CIC: variants seen among roughly 807,000 people sequenced by gnomAD.
CIC encodes the protein capicua transcriptional repressor.
CIC carries 18 observed loss-of-function variants against 115.7 expected under a neutral mutation model. The ratio of observed to expected loss-of-function variants is 0.16; its 90% CI spans 0.11 to 0.23. The LOEUF is 0.23. Ranked by LOEUF, CIC falls within the 10% of genes least tolerant of loss-of-function variation. CIC has a pLI of 1.00. For synonymous variants in CIC, 1,076 were observed against 923.0 expected (o/e 1.17, Z -3.01); for missense variants, 2,000 against 2,159.3 (o/e 0.93, Z 1.46).
Position 42,291,384 on chromosome 19 carries a change from C to T in CIC, c.5343C>T (p.Thr1781=). 1 of 1,612,596 alleles carries T rather than the reference C, an allele frequency of 6.2e-7. No individual in the cohort carries two copies. Among genetic ancestry groups the T allele is most frequent in the Non-Finnish European group, 8.5e-7 (1 of 1,179,756 alleles). Residue 1781 remains threonine (T), a synonymous_variant, in exon 11 of 21, where the codon ACC becomes ACT. Coordinates refer to ENST00000681038, the MANE Select transcript of CIC (RefSeq NM_001386298.1). The part of the protein sequence containing the change: ...IRFTLPPGTS[T]NGKVLAATAP... ...TCACCCTCCCACCGGGCACTTCCAC[C>T]AACGGCAAAGTCCTGGCTGCCACTG...
rs2146988929 is a variant in CIC at position 42,270,066 on chromosome 19, C to CT, written c.-11+686dup. On this transcript the variant is annotated intron_variant, in intron 1 of 20. Transcript: ENST00000681038. This position sits in a 1 kb window ranked among gnomAD's most constrained non-coding sequence, Gnocchi z 4.1. ...GAGAGGCTGGGCCAGGCAGCAAGGT[C>CT]TAGGGGTCCAGGCGGCATAGTTGTA... Among the ~76,000 whole-genome samples the CT allele has an allele frequency of 6.6e-6, 1 of 152,218 alleles. No individual in the cohort carries two copies. The highest frequency in any genetic ancestry group is 1.9e-4 in the East Asian group (1 of 5,180).
chr19:42,281,961 T>A (rs1489415675), intron 2 of CIC, among the ~76,000 whole-genome samples: 1 of 152,002 alleles, frequency 6.6e-6, no homozygotes, highest in African/African-American at 2.4e-5. Flanking sequence ...TGCATTGCAG[T>A]AGAGAAGGGG....
rs1339939734 is a variant in CIC at position 42,294,833 on chromosome 19, C to A, written c.7196C>A (p.Thr2399Lys). The A allele has an allele frequency of 6.2e-7, 1 of 1,602,294 alleles. No homozygotes were observed. Among genetic ancestry groups the A allele is most frequent in the Non-Finnish European group, 8.5e-7 (1 of 1,179,968 alleles). ...DHGFFPSAQA[T>K]AAFQARYADI... is the part of the protein sequence containing the mutation. ...GTTTTTCTATCTCCAGCCCAGGCCA[C>A]AGCCGCCTTCCAGGCCCGCTATGCA... Residue 2399 changes from threonine to lysine, a missense_variant, in exon 21 of 21, where the codon ACA (threonine) becomes AAA (lysine). By Grantham distance (78) the Thr-to-Lys change is moderately conservative (BLOSUM62 -1). Transcript: ENST00000681038.
chr19:42,292,650 C>G lies in CIC; in HGVS notation c.5987C>G (p.Pro1996Arg), dbSNP rs1172672104. 3.1e-6 allele frequency: 5 copies of G among 1,613,826 alleles called. No homozygotes were observed. The highest frequency in any genetic ancestry group is 4.2e-6 in the Non-Finnish European group (5 of 1,179,992). ...SPQLPPACAAPGGPVITAFYS... is the reference protein window; with the variant it reads ...SPQLPPACAARGGPVITAFYS... ...CAGCTGCCGCCTGCCTGTGCAGCCC[C>G]CGGAGGTCCTGTCATAACAGCATTT... is the stretch of plus-strand genomic sequence containing the variant. The change falls in exon 15 of 21, where the codon CCC becomes CGC. Residue 1996 changes from proline to arginine, a missense_variant. Physicochemically the swap from Pro to Arg is moderately radical, Grantham distance 103 (BLOSUM62 -2). Around this residue, in one of 8 missense-constraint regions of CIC, gnomAD observed 1,466 missense variants for 1,390.4 expected, o/e 1.05. Coordinates refer to ENST00000681038, the MANE Select transcript of CIC (RefSeq NM_001386298.1).
chr19:42,289,043 C>T lies in CIC; in HGVS notation c.3814C>T (p.Leu1272=). 6.2e-7 allele frequency: 1 copy of T among 1,613,796 alleles called. No individual in the cohort carries two copies. The highest frequency in any genetic ancestry group is 8.5e-7 in the Non-Finnish European group (1 of 1,180,044). The change falls in exon 8 of 21, where the codon CTG becomes TTG. Residue 1272 remains leucine (L), a synonymous_variant. Coordinates refer to ENST00000681038, the MANE Select transcript of CIC (RefSeq NM_001386298.1). ...RAFSHSGVHS[L]DGGEVDSQAL... is the part of the protein sequence containing the mutation. ...TTTCTCCCACAGCGGGGTACACAGC[C>T]TGGACGGCGGAGAAGTAGACAGTCA...
In CIC at chr19:42,273,716, A is replaced by G; in HGVS notation, c.1933A>G (p.Ser645Gly). Residue 645 changes from serine (S) to glycine (G), a missense_variant, in exon 2 of 21, where the codon AGC becomes GGC. This residue lies in a region of CIC where 222 missense variants were observed against 247.7 expected (regional missense o/e 0.90). Coordinates refer to ENST00000681038, the MANE Select transcript of CIC (RefSeq NM_001386298.1). ...PLFGFRPANF[S>G]PINASPVIQR... ...CTTCGGCTTCCGCCCTGCCAACTTT[A>G]GCCCCATCAATGCCTCACCAGTCAT... The G allele has an allele frequency of 2.5e-6, 1 of 398,628 alleles. No individual in the cohort carries two copies. The allele number at this position is 398,628 out of a possible 1,614,324, so 24.7% of individuals were successfully genotyped here. A position where few individuals can be genotyped will look rare whatever the true frequency, so the allele number is the denominator to read the frequency against.
In CIC at chr19:42,295,143, G is replaced by GGGGCGCC; in HGVS notation, c.7506_7507insGGGCGCC (p.Pro2503GlyfsTer22). 7.2e-6 allele frequency: 10 copies of GGGGCGCC among 1,382,708 alleles called. No homozygotes were observed. Among genetic ancestry groups the GGGGCGCC allele is most frequent in the African/African-American group, 1.5e-5 (1 of 68,110 alleles). The allele number at this position is 1,382,708 out of a possible 1,614,324, so 85.7% of individuals were successfully genotyped here. A position where few individuals can be genotyped will look rare whatever the true frequency, so the allele number is the denominator to read the frequency against. ...AGCCTGGCTGGGAGGGGGCTCCCCA[G>GGGGCGCC]CCCTCCCCCCCACCCCCAGGTCCCT... On this transcript the variant is annotated frameshift_variant, in exon 21 of 21. Coordinates refer to ENST00000681038, the MANE Select transcript of CIC (RefSeq NM_001386298.1). LOFTEE classifies it high-confidence loss of function.
chr19:42,290,566 C>T lies in CIC; in HGVS notation c.4525C>T (p.Arg1509Cys), dbSNP rs1296019502. Residue 1509 changes from arginine to cysteine, a missense_variant, in exon 11 of 21, where the codon CGC becomes TGC. By Grantham distance (180) the Arg-to-Cys change is radical. Coordinates refer to ENST00000681038, the MANE Select transcript of CIC (RefSeq NM_001386298.1). ...FLPMDPATFRRKRPESVGGLE... is the reference protein window; with the variant it reads ...FLPMDPATFRCKRPESVGGLE... The stretch of plus-strand genomic sequence containing the variant: ...CCCAATGGATCCTGCCACCTTCCGG[C>T]GCAAGAGACCCGAAAGTGTGGGTGG... 7 of 1,613,696 alleles carry T rather than the reference C, an allele frequency of 4.3e-6. No homozygotes were observed. The highest frequency in any genetic ancestry group is 5.9e-6 in the Non-Finnish European group (7 of 1,179,936).
At chr19:42,268,857 G>GC (rs2036658732), upstream of CIC, among the ~76,000 whole-genome samples, 1 of 152,168 alleles carries the variant, frequency 6.6e-6, no homozygotes, top group African/African-American at 2.4e-5. Flanking sequence ...CCGTCCCTTA[G>GC]CCCCTCCTCC....
At position 42,270,038 on chromosome 19, in the gene CIC, G is replaced by C. The variant is rs555775820; in HGVS notation, c.-11+657G>C. On this transcript the variant is annotated intron_variant, in intron 1 of 20. Transcript: ENST00000681038. The surrounding 1 kb of genome is among the most constrained non-coding windows in gnomAD (Gnocchi z 4.1). Reference sequence around the variant, plus strand: ...AGGGGAAAGAAAGCAGCTCTGGGGCGAAGAGAGGCTGGGCCAGGCAGCAAG... The same window carrying C: ...AGGGGAAAGAAAGCAGCTCTGGGGCCAAGAGAGGCTGGGCCAGGCAGCAAG... 1.6e-4 allele frequency among the ~76,000 whole-genome samples: 24 copies of C among 152,188 alleles called. No individual in the cohort carries two copies. Among genetic ancestry groups the C allele is most frequent in the African/African-American group, 5.6e-4 (23 of 41,432 alleles).
Position 42,287,968 on chromosome 19 carries a change from C to T in CIC, c.3651C>T (p.Ala1217=), listed in dbSNP as rs1366907408. 1.9e-6 allele frequency: 3 copies of T among 1,592,242 alleles called. No individual in the cohort carries two copies. The highest frequency in any genetic ancestry group is 2.6e-6 in the Non-Finnish European group (3 of 1,170,022). Reference sequence around the variant, plus strand: ...TGTCGGAGACGGGCACTGCTGCTGCCCCTGGGGGTTAGTCAGCCCCTTGGC... The same window carrying T: ...TGTCGGAGACGGGCACTGCTGCTGCTCCTGGGGGTTAGTCAGCCCCTTGGC... The part of the protein sequence containing the change: ...RSMSETGTAA[A]PGVSSELLSV... The change falls in exon 7 of 21, where the codon GCC becomes GCT. Residue 1217 remains alanine, a synonymous_variant. Transcript: ENST00000681038. This position sits in a 1 kb window ranked among gnomAD's most constrained non-coding sequence, Gnocchi z 8.7.
rs574314672 is a variant in CIC at position 42,294,104 on chromosome 19, G to A, written c.6922+15G>A. On this transcript the variant is annotated intron_variant, in intron 18 of 20. Transcript: ENST00000681038. ...GAACTCCACGGGTAGGCGAGCATTGGGCACCCAGGGTCCTTAGGTGGAGGG... is the reference window on the plus strand; with the variant it reads ...GAACTCCACGGGTAGGCGAGCATTGAGCACCCAGGGTCCTTAGGTGGAGGG... 6.2e-7 allele frequency: 1 copy of A among 1,613,712 alleles called. No homozygotes were observed. The highest frequency in any genetic ancestry group is 1.7e-5 in the Admixed American group (1 of 60,020).
intron 2 of CIC, among the ~76,000 whole-genome samples, chr19:42,283,209 G>T (rs931753514): frequency 6.6e-6 from 1 of 152,126 alleles, no homozygotes; most frequent in Non-Finnish European, 1.5e-5. Flanking sequence ...GTGTGTGGTT[G>T]TGTGGGAGGG....
rs1308162330 is a variant in CIC, at chr19:42,291,175, A to G, written c.5134A>G (p.Asn1712Asp). The change falls in exon 11 of 21, where the codon AAT (asparagine) becomes GAT (aspartate). Residue 1712 changes from asparagine (N) to aspartate (D), a missense_variant. Physicochemically the swap from Asn to Asp is conservative, Grantham distance 23. This residue lies in a region of CIC where 1,466 missense variants were observed against 1,390.4 expected (regional missense o/e 1.05). Coordinates refer to ENST00000681038, the MANE Select transcript of CIC (RefSeq NM_001386298.1). ...AGGAGCAGGTGCTGGGAGTGGCCCC[A>G]ATGGGCCAGTACCCCTGGGCATCCT... ...GSGAGAGSGPNGPVPLGILQP... is the reference protein window; with the variant it reads ...GSGAGAGSGPDGPVPLGILQP... 5.0e-6 allele frequency: 8 copies of G among 1,608,482 alleles called. No homozygotes were observed. The highest frequency in any genetic ancestry group is 6.8e-6 in the Non-Finnish European group (8 of 1,176,972).
At position 42,293,210 on chromosome 19, in the gene CIC, A is replaced by G; in HGVS notation, c.6451A>G (p.Thr2151Ala). The G allele has an allele frequency of 6.3e-7, 1 of 1,596,818 alleles. No individual in the cohort carries two copies. Among genetic ancestry groups the G allele is most frequent in the East Asian group, 2.3e-5 (1 of 43,828 alleles). The change falls in exon 16 of 21, where the codon ACG becomes GCG. Residue 2151 changes from threonine (T) to alanine (A), a missense_variant. Physicochemically the swap from Thr to Ala is moderately conservative, Grantham distance 58. Around this residue, in one of 8 missense-constraint regions of CIC, gnomAD observed 1,466 missense variants for 1,390.4 expected, o/e 1.05. Transcript: ENST00000681038. Reference sequence around the variant, plus strand: ...ACCCCTGCCAGAGACCTGGACTCCCACGGCCCGGAGCAGCCCCCCACTGCC... The same window carrying G: ...ACCCCTGCCAGAGACCTGGACTCCCGCGGCCCGGAGCAGCCCCCCACTGCC... ...PPPLPETWTP[T>A]ARSSPPLPPP...
At position 42,291,602 on chromosome 19, in the gene CIC, G is replaced by T; in HGVS notation, c.5470G>T (p.Ala1824Ser). The T allele has an allele frequency of 6.2e-7, 1 of 1,613,010 alleles. No homozygotes were observed. The change falls in exon 12 of 21, where the codon GCC becomes TCC. Residue 1824 changes from alanine (A) to serine (S), a missense_variant. By Grantham distance (99) the Ala-to-Ser change is moderately conservative. Transcript: ENST00000681038. ...PVQAPPPGGS[A>S]QLLPGKVLVP... is the part of the protein sequence containing the mutation. The stretch of plus-strand genomic sequence containing the variant: ...GCAGGCCCCGCCCCCGGGTGGCTCA[G>T]CCCAGCTGCTGCCTGGGAAGGTCCT...
chr19:42,289,821 C>A (rs1369860668), intron 9 of CIC, 27 bp from the exon 10 acceptor site: 26 of 1,546,362 alleles, frequency 1.7e-5, no homozygotes, highest in Non-Finnish European at 2.3e-5. Context: ...TAGCCCCCTC[C>A]CCATACTGTT....
intron 2 of CIC, among the ~76,000 whole-genome samples, chr19:42,274,907 C>T (rs1177578189): frequency 3.9e-5 from 6 of 152,198 alleles, no homozygotes. Flanking sequence ...GCTTCCACAT[C>T]TTGGGGGACT....
intron 2 of CIC, among the ~76,000 whole-genome samples, chr19:42,285,873 C>T (rs2037603215): frequency 6.6e-6 from 1 of 152,252 alleles, no homozygotes. Context: ...GGACCAGCCT[C>T]TTGGTGAGGA....
Sources: gnomAD v4.1 joint callset for allele counts (sites outside exome capture counted in the v4.1 genomes callset) on GRCh38, gnomAD v4.1.1 for gene constraint, gnomAD v4.1.1 regional missense constraint, Gnocchi (gnomAD v3.1) non-coding constraint, MANE v1.5 for transcripts, NCBI Gene and HGNC (gene_info 2026-07-23, HGNC 2026-07-21) for gene names.